Variants in ADAMTS9 observed in about 807,000 individuals in gnomAD.
The protein encoded by ADAMTS9 is A disintegrin and metalloproteinase with thrombospondin motifs 9.
A neutral mutation model predicts 257.1 loss-of-function variants in ADAMTS9; 107 were observed. The ratio of observed to expected loss-of-function variants is 0.42; its 90% CI spans 0.36 to 0.49. The LOEUF (loss-of-function observed/expected upper bound fraction) is 0.49. Among genes scored for constraint, ADAMTS9 ranks in the 20% least tolerant of loss-of-function variants. The pLI, the probability that ADAMTS9 is intolerant of heterozygous loss-of-function variation, is 0.03. For synonymous variants in ADAMTS9, 982 were observed against 880.9 expected, an observed-to-expected ratio of 1.11 and a Z score of -2.03; for missense variants, 2,353 against 2,469.1, an observed-to-expected ratio of 0.95 and a Z score of 1.00.
Position 64,681,340 on chromosome 3 carries a change from AT to A in ADAMTS9, c.539del (p.Asp180ValfsTer75). On this transcript the variant is annotated frameshift_variant, in exon 3 of 40. Transcript: ENST00000498707. LOFTEE classifies it high-confidence loss of function. ...GTAGTGGTTCAATAAAATAATCCCC[AT>A]CATGAGACCGGAATGTGCCCAGCTG... Reference protein sequence around the residue: ...SGMLGTFRSHDGDYFIEPLQS... With the variant: ...SGMLGTFRSHXGDYFIEPLQS... 6.2e-7 allele frequency: 1 copy of A among 1,613,026 alleles called. No individual in the cohort carries two copies. Among genetic ancestry groups the A allele is most frequent in the Non-Finnish European group, 8.5e-7 (1 of 1,179,468 alleles).
At chr3:64,542,907 G>C (rs2083145377) in intron 32 of ADAMTS9, among the ~76,000 whole-genome samples, 1 of 140,158 alleles carries the variant, frequency 7.1e-6, no homozygotes, top group Non-Finnish European at 1.5e-5. Context: ...GAATCAAATA[G>C]ACACAATAAA....
chr3:64,532,288 A>T (rs1034457414), intron 38 of ADAMTS9, among the ~76,000 whole-genome samples: 9 of 152,246 alleles, frequency 5.9e-5, no homozygotes, highest in African/African-American at 2.2e-4. Context: ...TGTATTCAGA[A>T]CACTTGCATT....
intron 21 of ADAMTS9, among the ~76,000 whole-genome samples, chr3:64,614,149 G>C (rs1349620788): frequency 1.3e-5 from 2 of 152,112 alleles, no homozygotes; most frequent in African/African-American, 4.8e-5. Context: ...TTGGATTATA[G>C]TGAATTTACA....
At chr3:64,628,049 A>C (rs893830705) in intron 16 of ADAMTS9, among the ~76,000 whole-genome samples, 1 of 152,024 alleles carries the variant, frequency 6.6e-6, no homozygotes, top group African/African-American at 2.4e-5. Flanking sequence ...TTTCACACTC[A>C]GTGGACTGTG....
chr3:64,659,781 C>T (rs1251748769), intron 3 of ADAMTS9, among the ~76,000 whole-genome samples: 2 of 152,160 alleles, frequency 1.3e-5, no homozygotes, highest in African/African-American at 4.8e-5. Flanking sequence ...ATTAGCTCTA[C>T]TCATTTCCAG....
At chr3:64,682,386 T>C (rs1046206958) in intron 2 of ADAMTS9, among the ~76,000 whole-genome samples, 6 of 152,142 alleles carry the variant, frequency 3.9e-5, no homozygotes, top group African/African-American at 1.4e-4. Context: ...TAAAATTTGC[T>C]CTTACTAATC....
In ADAMTS9 at chr3:64,687,098, C is replaced by G. The variant is rs1701933268; in HGVS notation, c.116-130G>C. On this transcript the variant is annotated intron_variant, in intron 1 of 39. Coordinates refer to ENST00000498707, the MANE Select transcript of ADAMTS9 (RefSeq NM_182920.2). This position sits in a 1 kb window ranked among gnomAD's most constrained non-coding sequence, Gnocchi z 4.4. ...TCGAGTCAATCCCTTCACCCTTAAT[C>G]AGTGGACAAATATTTGCTGAGCACC... 1 of 1,122,364 alleles carries G rather than the reference C, an allele frequency of 8.9e-7. No homozygotes were observed. The highest frequency in any genetic ancestry group is 1.3e-6 in the Non-Finnish European group (1 of 799,028). The allele number at this position is 1,122,364 out of a possible 1,614,324, so 69.5% of individuals were successfully genotyped here. A position where few individuals can be genotyped will look rare whatever the true frequency, so the allele number is the denominator to read the frequency against.
intron 3 of ADAMTS9, among the ~76,000 whole-genome samples, chr3:64,661,903 G>T (rs1701231792): frequency 6.6e-6 from 1 of 151,772 alleles, no homozygotes; most frequent in Non-Finnish European, 1.5e-5. Context: ...GTCTCTATTA[G>T]TTTTCTATTT....
At chr3:64,638,197 A>G (rs934833093) in intron 12 of ADAMTS9, among the ~76,000 whole-genome samples, 4 of 152,184 alleles carry the variant, frequency 2.6e-5, no homozygotes, top group Non-Finnish European at 5.9e-5. Context: ...GAAAAAGAAA[A>G]TGCTGTGTCT....
chr3:64,520,237 A>G (rs2082832317), intron 39 of ADAMTS9, among the ~76,000 whole-genome samples: 1 of 152,154 alleles, frequency 6.6e-6, no homozygotes, highest in Admixed American at 6.5e-5. Context: ...CATCTAATCA[A>G]GCAGGTAAAA....
Position 64,561,622 on chromosome 3 carries a change from G to A in ADAMTS9, c.4654C>T (p.Pro1552Ser). 6.2e-6 allele frequency: 10 copies of A among 1,613,946 alleles called. No individual in the cohort carries two copies. The highest frequency in any genetic ancestry group is 7.6e-6 in the Non-Finnish European group (9 of 1,179,982). ...RPESERDCQG[P>S]RCPLYTWRAE... ...CTCCAAGTGTAGAGGGGACACCGTG[G>A]GCCTTGGCAGTCGCGTTCCGACTCC... The change falls in exon 30 of 40, where the codon CCA (proline) becomes TCA (serine). Residue 1552 changes from proline (P) to serine (S), a missense_variant. Physicochemically the swap from Pro to Ser is moderately conservative, Grantham distance 74. Transcript: ENST00000498707.
chr3:64,613,667 T>C (rs1435895279), intron 21 of ADAMTS9, among the ~76,000 whole-genome samples, 158 bp from the exon 22 acceptor site: 21 of 152,206 alleles, frequency 1.4e-4, no homozygotes. Context: ...TTTTTTCCTT[T>C]TGTTCGTTCA....
intron 22 of ADAMTS9, among the ~76,000 whole-genome samples, chr3:64,608,258 C>CAA (rs57247914): frequency 0.021 from 1,123 of 53,258 alleles, 34 homozygotes; most frequent in African/African-American, 0.064. Context: ...AAACTAAAAC[C>CAA]AAAAAAAAAA....
rs1268859343 is a variant in ADAMTS9, at chr3:64,686,696, C to G, written c.388G>C (p.Gly130Arg). ...IAPLFTVTLL[G>R]TPGVNQTKFY... ...TTGGTCTGATTCACCCCGGGCGTCC[C>G]GAGGAGGGTGACAGTGAACAGTGGA... is the stretch of plus-strand genomic sequence containing the variant. Residue 130 changes from glycine (G) to arginine (R), a missense_variant, in exon 2 of 40, where the codon GGG becomes CGG. This residue lies in a region of ADAMTS9 where 591 missense variants were observed against 569.6 expected (regional missense o/e 1.04). Coordinates refer to ENST00000498707, the MANE Select transcript of ADAMTS9 (RefSeq NM_182920.2). This position sits in a 1 kb window ranked among gnomAD's most constrained non-coding sequence, Gnocchi z 4.6. 9 of 1,614,058 alleles carry G rather than the reference C, an allele frequency of 5.6e-6. No individual in the cohort carries two copies. The East Asian group carries it at 6.7e-5, about 12-fold the overall frequency.
At chr3:64,675,294 A>G (rs953845704) in intron 3 of ADAMTS9, among the ~76,000 whole-genome samples, 6 of 152,326 alleles carry the variant, frequency 3.9e-5, no homozygotes, top group South Asian at 4.1e-4. Context: ...AGGCTACCAC[A>G]TAATACACAC....
At chr3:64,656,816 GT>G (rs1701084787) in intron 4 of ADAMTS9, among the ~76,000 whole-genome samples, 1 of 152,008 alleles carries the variant, frequency 6.6e-6, no homozygotes, top group African/African-American at 2.4e-5. Flanking sequence ...GGTCACAGCA[GT>G]GAACAAAAAG....
At chr3:64,606,406 C>A (rs1436174968) in intron 23 of ADAMTS9, among the ~76,000 whole-genome samples, 1 of 152,150 alleles carries the variant, frequency 6.6e-6, no homozygotes, top group East Asian at 1.9e-4. Context: ...AGATAGGTGG[C>A]AGCACACCCT....
At chr3:64,651,487 A>G (rs1576161561) in intron 8 of ADAMTS9, among the ~76,000 whole-genome samples, 1 of 152,304 alleles carries the variant, frequency 6.6e-6, no homozygotes, top group Admixed American at 6.5e-5. Flanking sequence ...AGAATACAGT[A>G]GTTGGAATTC....
At chr3:64,597,014 T>C (rs1307467570) in intron 26 of ADAMTS9, 23 bp from the exon 27 acceptor site, 3 of 1,612,844 alleles carry the variant, frequency 1.9e-6, no homozygotes, top group Non-Finnish European at 2.5e-6. Flanking sequence ...GTCGACAAGT[T>C]AATCCCCACC....
Sources: gnomAD v4.1 joint callset for allele counts (sites outside exome capture counted in the v4.1 genomes callset) on GRCh38, gnomAD v4.1.1 for gene constraint, gnomAD v4.1.1 regional missense constraint, Gnocchi (gnomAD v3.1) non-coding constraint, MANE v1.5 for transcripts, NCBI Gene and HGNC (gene_info 2026-07-23, HGNC 2026-07-21) for gene names.